Variants in TOM1L2 observed in about 807,000 individuals in gnomAD.
The protein encoded by TOM1L2 is TOM1-like protein 2.
Under a neutral mutation model 67.9 loss-of-function variants are expected in TOM1L2, and 31 were observed. The observed-to-expected ratio is 0.46, with a 90% CI of 0.34 to 0.62. The LOEUF is 0.62. Ranked by LOEUF, TOM1L2 falls within the 20% of genes least tolerant of loss-of-function variation. The probability of loss-of-function intolerance (pLI) is 0.01; values close to 1 mark genes in which losing one functional copy is unlikely to be tolerated. For missense variants in TOM1L2, 606 were observed against 663.5 expected (o/e 0.91, Z 0.95); for synonymous variants, 256 against 254.0 (o/e 1.01, Z -0.07).
intron 1 of TOM1L2, among the ~76,000 whole-genome samples, chr17:17,951,297 A>C (rs1257765765): frequency 6.6e-6 from 1 of 152,190 alleles, no homozygotes; most frequent in Non-Finnish European, 1.5e-5. Flanking sequence ...GAACGTTCAT[A>C]AGATTTAGAG....
intron 1 of TOM1L2, among the ~76,000 whole-genome samples, chr17:17,916,952 T>C (rs2084742208): frequency 6.6e-6 from 1 of 152,086 alleles, no homozygotes; most frequent in African/African-American, 2.4e-5. Flanking sequence ...GGTCAAGAGA[T>C]TGAGACCATC....
intron 8 of TOM1L2, chr17:17,868,867 A>C (rs1424322128): frequency 6.0e-6 from 1 of 166,336 alleles, no homozygotes; most frequent in African/African-American, 2.4e-5. Flanking sequence ...GCTCTAGATA[A>C]CATTGACATT....
chr17:17,851,383 A>T (rs1452866776), intron 12 of TOM1L2: 1 of 276,284 alleles, frequency 3.6e-6, no homozygotes, highest in Non-Finnish European at 7.1e-6. Flanking sequence ...AGGGAAGGCC[A>T]AGTGACAGCC....
chr17:17,926,911 A>G (rs2040113985), intron 1 of TOM1L2, among the ~76,000 whole-genome samples: 1 of 152,184 alleles, frequency 6.6e-6, no homozygotes, highest in Non-Finnish European at 1.5e-5. Flanking sequence ...TTAAATATGA[A>G]GAAGAGCCCC....
At position 17,923,098 on chromosome 17, in the gene TOM1L2, C is replaced by T. The variant is rs184503682; in HGVS notation, c.53-15567G>A. ...TCCCAGGGCTCATACCTGCTGTGCT[C>T]ATTAAAGCCACAGTGTTGGCTGGGC... On this transcript the variant is annotated intron_variant, in intron 1 of 14. Coordinates refer to ENST00000379504, the MANE Select transcript of TOM1L2 (RefSeq NM_001082968.2). Among the ~76,000 whole-genome samples, 262 of 152,312 alleles carry T rather than the reference C, an allele frequency of 1.7e-3. 1 individual carries two copies. The highest frequency in any genetic ancestry group is 2.7e-3 in the South Asian group (13 of 4,828).
At position 17,845,110 on chromosome 17, in the gene TOM1L2, C is replaced by T. The variant is rs781450532; in HGVS notation, c.*2525G>A. ...CTAAGTGGAACCCACTCTGGGGCAC[C>T]GGGGCTATACTTGCTTCCTGTGCAG... is the stretch of plus-strand genomic sequence containing the variant. On this transcript the variant is annotated 3_prime_UTR_variant, in exon 15 of 15. Transcript: ENST00000379504. 4.3e-4 allele frequency: 65 copies of T among 152,284 alleles called. No homozygotes were observed. The highest frequency in any genetic ancestry group is 7.8e-4 in the Non-Finnish European group (53 of 68,072). The allele number at this position is 152,284 out of a possible 1,614,324, so 9.4% of individuals were successfully genotyped here. A position where few individuals can be genotyped will look rare whatever the true frequency, so the allele number is the denominator to read the frequency against.
intron 5 of TOM1L2, 36 bp downstream of exon 5, chr17:17,884,598 G>T: frequency 6.2e-7 from 1 of 1,613,208 alleles, no homozygotes; most frequent in Non-Finnish European, 8.5e-7. Flanking sequence ...CCGTTCTGCA[G>T]TAGGTCTTTC....
intron 8 of TOM1L2, 186 bp downstream of exon 8, chr17:17,869,154 C>T (rs2037011025): frequency 8.9e-7 from 1 of 1,119,552 alleles, no homozygotes; most frequent in Non-Finnish European, 1.2e-6. Flanking sequence ...TTCTGCTGCT[C>T]AGTTCCCAGG....
intron 12 of TOM1L2, among the ~76,000 whole-genome samples, chr17:17,854,844 T>C (rs953649206): frequency 2.0e-5 from 3 of 152,138 alleles, no homozygotes; most frequent in East Asian, 1.9e-4. Flanking sequence ...TGACATGCCA[T>C]AGTTTCAGCA....
At chr17:17,956,603 G>A (rs1313211194) in intron 1 of TOM1L2, among the ~76,000 whole-genome samples, 3 of 152,224 alleles carry the variant, frequency 2.0e-5, no homozygotes, top group Non-Finnish European at 4.4e-5. Context: ...GGGAGGCTCA[G>A]GCATGGTGAG....
At chr17:17,897,014 T>C (rs140973573) in intron 3 of TOM1L2, among the ~76,000 whole-genome samples, 29 of 152,248 alleles carry the variant, frequency 1.9e-4, no homozygotes, top group Non-Finnish European at 3.1e-4. Flanking sequence ...GGGTTTGTAG[T>C]GAAGACCTAA....
At chr17:17,870,420 T>C (rs1011120276) in intron 7 of TOM1L2, among the ~76,000 whole-genome samples, 3 of 152,118 alleles carry the variant, frequency 2.0e-5, no homozygotes, top group Admixed American at 6.5e-5. Context: ...CTGAGGATGC[T>C]ACAGAGGAGG....
intron 7 of TOM1L2, among the ~76,000 whole-genome samples, chr17:17,872,746 G>C (rs2037216324): frequency 6.6e-6 from 1 of 152,214 alleles, no homozygotes; most frequent in African/African-American, 2.4e-5. Context: ...TGAGCAAAAG[G>C]ATCTCAAGTC....
At chr17:17,894,362 A>T (rs1235786264) in intron 3 of TOM1L2, among the ~76,000 whole-genome samples, 2 of 152,202 alleles carry the variant, frequency 1.3e-5, no homozygotes, top group Non-Finnish European at 2.9e-5. Context: ...TGGTTTGTGG[A>T]CCTCAGCTGC....
intron 12 of TOM1L2, chr17:17,851,444 G>A: frequency 5.4e-6 from 1 of 186,430 alleles, no homozygotes; most frequent in Admixed American, 5.6e-5. Flanking sequence ...ACCAGCCCCG[G>A]GGGGATGCAG....
intron 1 of TOM1L2, among the ~76,000 whole-genome samples, chr17:17,920,990 T>C (rs1015932156): frequency 2.0e-5 from 3 of 152,220 alleles, no homozygotes; most frequent in Non-Finnish European, 4.4e-5. Context: ...TTAACATTGG[T>C]ATAGTACTAT....
rs768256975 is a variant in TOM1L2, at chr17:17,869,423, G to C, written c.828C>G (p.Ile276Met). ...RAMQQRIVEL[I>M]SRVSNEEVTE... ...TGACCTCCTCATTGGACACGCGGGA[G>C]ATGAGCTCCACGATGCGCTGCTGCA... The change falls in exon 8 of 15, where the codon ATC (isoleucine) becomes ATG (methionine). Residue 276 changes from isoleucine (I) to methionine (M), a missense_variant. Ile to Met is a conservative substitution (Grantham distance 10). Around this residue, in one of 2 missense-constraint regions of TOM1L2, gnomAD observed 543 missense variants for 554.0 expected, o/e 0.98. Transcript: ENST00000379504. The C allele has an allele frequency of 1.4e-5, 22 of 1,613,500 alleles. No individual in the cohort carries two copies. Among genetic ancestry groups the C allele is most frequent in the Non-Finnish European group, 1.9e-5 (22 of 1,180,000 alleles).
chr17:17,879,150 C>CCACT (rs2037581725), intron 7 of TOM1L2, among the ~76,000 whole-genome samples: 1 of 152,188 alleles, frequency 6.6e-6, no homozygotes, highest in African/African-American at 2.4e-5. Flanking sequence ...GGGTGAGGTG[C>CCACT]CACTACAAGG....
chr17:17,913,161 TGAGAGGGAGACCGTGGAAACAGAGG>T (rs1162200013), intron 1 of TOM1L2, among the ~76,000 whole-genome samples: 7 of 111,540 alleles, frequency 6.3e-5, no homozygotes, highest in East Asian at 7.3e-4. Context: ...CGGCTCGGCA[TGAGAGGGAGACCGTGGAAACAGAGG>T]GAGAGGGAGA....
Sources: gnomAD v4.1 joint callset for allele counts (sites outside exome capture counted in the v4.1 genomes callset) on GRCh38, gnomAD v4.1.1 for gene constraint, gnomAD v4.1.1 regional missense constraint, MANE v1.5 for transcripts, NCBI Gene and HGNC (gene_info 2026-07-23, HGNC 2026-07-21) for gene names.